The following PGBD5 variants were observed in gnomAD, a reference collection of about 807,000 sequenced individuals.
PGBD5 encodes the protein piggyBac transposable element-derived protein 5.
A neutral mutation model predicts 47.9 loss-of-function variants in PGBD5; 14 were observed. The observed-to-expected ratio is 0.29, with a 90% CI of 0.19 to 0.46. PGBD5 has a LOEUF of 0.46. PGBD5 is among the 20% of genes least tolerant of loss of function. The pLI, the probability that PGBD5 is intolerant of heterozygous loss-of-function variation, is 1.00. For missense variants in PGBD5, 635 were observed against 716.0 expected (o/e 0.89, Z 1.29); for synonymous variants, 316 against 306.3 (o/e 1.03, Z -0.33).
intron 1 of PGBD5, among the ~76,000 whole-genome samples, chr1:230,406,679 A>C (rs1238755368): frequency 6.6e-6 from 1 of 152,242 alleles, no homozygotes; most frequent in Non-Finnish European, 1.5e-5. Context: ...TTAAGAACTT[A>C]GTGTAATTTT....
At chr1:230,368,055 G>C (rs371941296) in intron 1 of PGBD5, 1 of 1,367,828 alleles carries the variant, frequency 7.3e-7, no homozygotes, top group Non-Finnish European at 9.8e-7. Flanking sequence ...CTCCCTGGAA[G>C]GCTGGGTCTT....
At chr1:230,361,233 A>C (rs1413849012) in intron 1 of PGBD5, among the ~76,000 whole-genome samples, 1 of 152,194 alleles carries the variant, frequency 6.6e-6, no homozygotes, top group Non-Finnish European at 1.5e-5. Flanking sequence ...ATGAAAATGC[A>C]TATCTACAGT....
intron 5 of PGBD5, among the ~76,000 whole-genome samples, chr1:230,328,937 A>T (rs78787921): frequency 0.019 from 2,852 of 147,044 alleles, 98 homozygotes; most frequent in African/African-American, 0.067. Context: ...AGCATTTAAC[A>T]TTTTTTTTTT....
chr1:230,374,039 A>T (rs1310731663), intron 1 of PGBD5, among the ~76,000 whole-genome samples: 6 of 152,200 alleles, frequency 3.9e-5, no homozygotes, highest in African/African-American at 1.4e-4. Context: ...ACAAATTGAG[A>T]ATGAATAGAA....
chr1:230,327,650 C>T (rs1667143468), intron 5 of PGBD5, among the ~76,000 whole-genome samples: 1 of 152,222 alleles, frequency 6.6e-6, no homozygotes, highest in Non-Finnish European at 1.5e-5. Flanking sequence ...GCTTATGGAG[C>T]CCCTCCTCCT....
At chr1:230,335,089 GTACACACACAGACACACACAGA>G (rs1439768703) in intron 4 of PGBD5, among the ~76,000 whole-genome samples, 1 of 81,242 alleles carries the variant, frequency 1.2e-5, no homozygotes, top group Admixed American at 1.1e-4. Flanking sequence ...ACACACACAG[GTACACACACAGACACACACAGA>G]TACACAGATA....
intron 5 of PGBD5, among the ~76,000 whole-genome samples, chr1:230,328,139 T>C (rs1667153330): frequency 6.6e-6 from 1 of 152,188 alleles, no homozygotes; most frequent in African/African-American, 2.4e-5. Flanking sequence ...CCCGTCCCCA[T>C]AGCCACCGAC....
intron 1 of PGBD5, among the ~76,000 whole-genome samples, chr1:230,360,242 C>A (rs1035603110): frequency 6.6e-6 from 1 of 152,352 alleles, no homozygotes; most frequent in East Asian, 1.9e-4. Flanking sequence ...CATGAAGGAA[C>A]TGGGAAGCAG....
chr1:230,404,730 C>T (rs1413462139), intron 1 of PGBD5, among the ~76,000 whole-genome samples: 1 of 150,038 alleles, frequency 6.7e-6, no homozygotes, highest in Non-Finnish European at 1.5e-5. Context: ...GTCAGGAGTT[C>T]GATACTAGCC....
rs1249772088 is a variant in PGBD5, at chr1:230,396,305, C to T, written c.331+29293G>A. 1.4e-4 allele frequency among the ~76,000 whole-genome samples: 15 copies of T among 105,804 alleles called. No individual in the cohort carries two copies. The South Asian group carries it at 2.8e-3, about 20-fold the overall frequency. 69.4% of individuals were successfully genotyped at this position (105,804 alleles called of 152,430 possible). On this transcript the variant is annotated intron_variant, in intron 1 of 6. Coordinates refer to ENST00000391860, the MANE Select transcript of PGBD5 (RefSeq NM_001258311.2). ...ACTCTTCCCTTTTACCCCCACACTC[C>T]TCCCTTTTACCCCACACTCCTTCTC...
At chr1:230,397,764 T>C in intron 1 of PGBD5, among the ~76,000 whole-genome samples, 1 of 152,154 alleles carries the variant, frequency 6.6e-6, no homozygotes, top group East Asian at 1.9e-4. Flanking sequence ...TCAAGGAAGA[T>C]CGGCAGGCTC....
rs1667240809 is a variant in PGBD5 at position 230,332,739 on chromosome 1, G to A, written c.1273+105C>T. 5 of 1,336,930 alleles carry A rather than the reference G, an allele frequency of 3.7e-6. No individual in the cohort carries two copies. In the Admixed American group the frequency reaches 7.1e-5, roughly 19 times the overall value. The allele number at this position is 1,336,930 out of a possible 1,614,324, so 82.8% of individuals were successfully genotyped here. A position where few individuals can be genotyped will look rare whatever the true frequency, so the allele number is the denominator to read the frequency against. ...TAACCGAGGGTAGTCTGACCCCAGA[G>A]CAGCACAGCCCACAGTGGACGCCAC... On this transcript the variant is annotated intron_variant, in intron 5 of 6. Transcript: ENST00000391860.
intron 1 of PGBD5, among the ~76,000 whole-genome samples, chr1:230,369,184 C>T (rs1270329653): frequency 6.6e-6 from 1 of 152,232 alleles, no homozygotes; most frequent in Non-Finnish European, 1.5e-5. Flanking sequence ...AAGGTGAACC[C>T]AGAACGTGGA....
Position 230,320,690 on chromosome 1 carries a change from C to T in PGBD5, c.*2735G>A, listed in dbSNP as rs1185987857. 6.6e-6 allele frequency: 1 copy of T among 152,224 alleles called. No individual in the cohort carries two copies. Among genetic ancestry groups the T allele is most frequent in the Non-Finnish European group, 1.5e-5 (1 of 68,060 alleles). 9.4% of individuals were successfully genotyped at this position (152,224 alleles called of 1,614,324 possible). A position where few individuals can be genotyped will look rare whatever the true frequency, so the allele number is the denominator to read the frequency against. ...ACTCCAAAGCCAATCAAGAATCAAC[C>T]TGAGGGCTGTTGAACCCAGGGAGAT... On this transcript the variant is annotated 3_prime_UTR_variant, in exon 7 of 7. Coordinates refer to ENST00000391860, the MANE Select transcript of PGBD5 (RefSeq NM_001258311.2).
intron 1 of PGBD5, among the ~76,000 whole-genome samples, chr1:230,399,059 G>GT (rs5781583): frequency 0.011 from 682 of 62,624 alleles, 6 homozygotes; most frequent in African/African-American, 0.034. Context: ...AGGTTACTAA[G>GT]GGGGGGTGGC....
intron 5 of PGBD5, among the ~76,000 whole-genome samples, chr1:230,326,840 C>T (rs1667125365): frequency 1.3e-5 from 2 of 152,168 alleles, no homozygotes; most frequent in East Asian, 1.9e-4. Context: ...CCCCCAGCTC[C>T]GTCCTTTCAT....
chr1:230,373,081 G>A (rs1443323562), intron 1 of PGBD5, among the ~76,000 whole-genome samples: 1 of 152,226 alleles, frequency 6.6e-6, no homozygotes, highest in African/African-American at 2.4e-5. Context: ...CACTCCAGTG[G>A]TAAGGTGAGA....
intron 1 of PGBD5, among the ~76,000 whole-genome samples, chr1:230,375,145 T>C (rs1205518514): frequency 6.6e-6 from 1 of 152,194 alleles, no homozygotes; most frequent in Non-Finnish European, 1.5e-5. Flanking sequence ...TTGAAAGCAG[T>C]ACAGATCTCT....
chr1:230,405,773 G>C (rs1021508963), intron 1 of PGBD5, among the ~76,000 whole-genome samples: 1 of 152,160 alleles, frequency 6.6e-6, no homozygotes, highest in Admixed American at 6.5e-5. Flanking sequence ...AACGGTCTTG[G>C]GCCTTCTCAG....
Sources: gnomAD v4.1 joint callset for allele counts (sites outside exome capture counted in the v4.1 genomes callset) on GRCh38, gnomAD v4.1.1 for gene constraint, MANE v1.5 for transcripts, NCBI Gene and HGNC (gene_info 2026-07-23, HGNC 2026-07-21) for gene names.